The following TBC1D14 variants were observed in gnomAD, a reference collection of about 807,000 sequenced individuals.
TBC1D14 encodes the protein TBC1 domain family, member 14.
Under a neutral mutation model 79.0 loss-of-function variants are expected in TBC1D14, and 26 were observed. The ratio of observed to expected loss-of-function variants is 0.33; its 90% CI spans 0.24 to 0.46. TBC1D14 has a LOEUF of 0.46. TBC1D14 is among the 20% of genes least tolerant of loss of function. TBC1D14 has a pLI of 1.00. For synonymous variants in TBC1D14, 394 were observed against 349.9 expected (o/e 1.13, Z -1.40); for missense variants, 769 against 887.6 (o/e 0.87, Z 1.70).
At position 7,009,948 on chromosome 4, in the gene TBC1D14, T is replaced by C. The variant is rs1457732364; in HGVS notation, c.1518T>C (p.Tyr506=). The C allele has an allele frequency of 3.7e-6, 6 of 1,614,064 alleles. No individual in the cohort carries two copies. Among genetic ancestry groups the C allele is most frequent in the Admixed American group, 1.7e-5 (1 of 60,004 alleles). ...AYTCYRPDVG[Y]VQGMSFIAAV... is the part of the protein sequence containing the mutation. Reference sequence around the variant, plus strand: ...CTTGTTACCGGCCAGATGTGGGTTATGTAAGTGAAGTTTCTCAGTATTTTA... The same window carrying C: ...CTTGTTACCGGCCAGATGTGGGTTACGTAAGTGAAGTTTCTCAGTATTTTA... Residue 506 remains tyrosine (Y), a splice_region_variant and synonymous_variant, in exon 10 of 14, where the codon TAT becomes TAC. Transcript: ENST00000409757.
At chr4:7,028,598 T>C (rs1722710036) in intron 13 of TBC1D14, among the ~76,000 whole-genome samples, 1 of 152,148 alleles carries the variant, frequency 6.6e-6, no homozygotes, top group Non-Finnish European at 1.5e-5. Context: ...AGCTAATTTT[T>C]GTATTTTTAG....
intron 2 of TBC1D14, among the ~76,000 whole-genome samples, chr4:6,931,397 G>C (rs1452657422): frequency 6.6e-6 from 1 of 152,192 alleles, no homozygotes; most frequent in African/African-American, 2.4e-5. Context: ...GAGGTCACTG[G>C]TAACCTTGAC....
At chr4:7,025,929 G>A (rs1227126774) in intron 13 of TBC1D14, among the ~76,000 whole-genome samples, 1 of 152,220 alleles carries the variant, frequency 6.6e-6, no homozygotes, top group Non-Finnish European at 1.5e-5. Flanking sequence ...AAAAAAACCA[G>A]TTTGGGTTCT....
At chr4:6,946,545 A>G (rs1490046990) in intron 2 of TBC1D14, among the ~76,000 whole-genome samples, 1 of 151,792 alleles carries the variant, frequency 6.6e-6, no homozygotes, top group African/African-American at 2.4e-5. Flanking sequence ...CTGGTCTCGA[A>G]CTCCTAACCT....
chr4:7,030,476 C>A lies in TBC1D14; in HGVS notation c.*84C>A. 1 of 1,399,136 alleles carries A rather than the reference C, an allele frequency of 7.1e-7. No individual in the cohort carries two copies. Among genetic ancestry groups the A allele is most frequent in the Non-Finnish European group, 1.0e-6 (1 of 993,934 alleles). 86.7% of individuals were successfully genotyped at this position (1,399,136 alleles called of 1,614,324 possible). A position where few individuals can be genotyped will look rare whatever the true frequency, so the allele number is the denominator to read the frequency against. ...TTGTTTCAGACTGACACCCGGGCAG[C>A]CGAGAAGAACAGACGCTCTTTAAGT... On this transcript the variant is annotated 3_prime_UTR_variant, in exon 14 of 14. Coordinates refer to ENST00000409757, the MANE Select transcript of TBC1D14 (RefSeq NM_020773.3).
At chr4:6,912,268 T>C (rs1259384614) in intron 1 of TBC1D14, among the ~76,000 whole-genome samples, 1 of 151,746 alleles carries the variant, frequency 6.6e-6, no homozygotes, top group Non-Finnish European at 1.5e-5. Flanking sequence ...GCGTGCCAGC[T>C]ACTTGGGAGG....
intron 7 of TBC1D14, among the ~76,000 whole-genome samples, chr4:7,002,084 A>G (rs951991833): frequency 3.9e-5 from 6 of 152,072 alleles, no homozygotes; most frequent in Non-Finnish European, 8.8e-5. Context: ...TGTTGTTCTT[A>G]TCCTGACAGG....
chr4:7,027,557 A>G (rs1722535872), intron 13 of TBC1D14, among the ~76,000 whole-genome samples: 1 of 139,124 alleles, frequency 7.2e-6, no homozygotes, highest in Non-Finnish European at 1.5e-5. Flanking sequence ...ACCACACACC[A>G]CAATCACCCG....
chr4:7,019,053 C>T (rs1020975785), intron 12 of TBC1D14, among the ~76,000 whole-genome samples: 1 of 152,066 alleles, frequency 6.6e-6, no homozygotes, highest in Non-Finnish European at 1.5e-5. Flanking sequence ...GATGGAGTCT[C>T]GCACTTTCAC....
rs1217883970 is a variant in TBC1D14, at chr4:7,027,533, T to TCACATACACAATCAC, written c.2016+2276_2016+2290dup. ...CACACCCAGTCACCCCACACACACA[T>TCACATACACAATCAC]CACATACACAATCACCACACACCAC... On this transcript the variant is annotated intron_variant, in intron 13 of 13. Coordinates refer to ENST00000409757, the MANE Select transcript of TBC1D14 (RefSeq NM_020773.3). Among the ~76,000 whole-genome samples the TCACATACACAATCAC allele has an allele frequency of 1.0e-4, 12 of 119,560 alleles. No homozygotes were observed. In the Admixed American group the frequency reaches 1.1e-3, roughly 11 times the overall value. 78.4% of individuals were successfully genotyped at this position (119,560 alleles called of 152,430 possible).
At chr4:7,025,430 C>T (rs948000025) in intron 13 of TBC1D14, among the ~76,000 whole-genome samples, 168 bp downstream of exon 13, 5 of 152,164 alleles carry the variant, frequency 3.3e-5, no homozygotes, top group Admixed American at 1.3e-4. Flanking sequence ...CAGGGCGTCT[C>T]GGCGGGTCGC....
At chr4:6,931,893 T>A (rs1413257573) in intron 2 of TBC1D14, among the ~76,000 whole-genome samples, 1 of 151,788 alleles carries the variant, frequency 6.6e-6, no homozygotes, top group African/African-American at 2.4e-5. Context: ...TAGCAGAGGG[T>A]GCTGATGGTA....
intron 1 of TBC1D14, among the ~76,000 whole-genome samples, chr4:6,921,651 T>C (rs1484705688): frequency 6.7e-6 from 1 of 150,220 alleles, no homozygotes; most frequent in Non-Finnish European, 1.5e-5. Flanking sequence ...TCAGCCTCCA[T>C]GAGTAGCTGG....
chr4:6,939,981 A>G (rs1403534077), intron 2 of TBC1D14, among the ~76,000 whole-genome samples: 1 of 152,208 alleles, frequency 6.6e-6, no homozygotes, highest in African/African-American at 2.4e-5. Flanking sequence ...AGAAATGGGC[A>G]CCAGCGGCCT....
At chr4:6,939,708 C>T (rs1712716840) in intron 2 of TBC1D14, among the ~76,000 whole-genome samples, 1 of 124,444 alleles carries the variant, frequency 8.0e-6, no homozygotes, top group African/African-American at 3.1e-5. Context: ...CAGTGCCAGG[C>T]TGTGAGTCCT....
At chr4:6,931,509 G>A (rs1187711115) in intron 2 of TBC1D14, among the ~76,000 whole-genome samples, 1 of 152,186 alleles carries the variant, frequency 6.6e-6, no homozygotes, top group Non-Finnish European at 1.5e-5. Flanking sequence ...GTTGAAAGGA[G>A]CCATAGGACG....
intron 2 of TBC1D14, among the ~76,000 whole-genome samples, chr4:6,944,025 T>C (rs983877475): frequency 2.5e-4 from 16 of 63,306 alleles, no homozygotes; most frequent in African/African-American, 6.0e-4. Flanking sequence ...CGGCGCGTTC[T>C]GCCGGGGGTT....
At chr4:6,992,489 C>T (rs1365051355) in intron 3 of TBC1D14, among the ~76,000 whole-genome samples, 2 of 152,150 alleles carry the variant, frequency 1.3e-5, no homozygotes, top group East Asian at 1.9e-4. Context: ...AAAGTGAGTC[C>T]ACATGCACAG....
intron 1 of TBC1D14, among the ~76,000 whole-genome samples, chr4:6,913,539 G>A (rs1028660832): frequency 2.0e-5 from 3 of 152,282 alleles, no homozygotes; most frequent in South Asian, 2.1e-4. Flanking sequence ...TGTGACCTTG[G>A]GTGCGTGACT....
Sources: gnomAD v4.1 joint callset for allele counts (sites outside exome capture counted in the v4.1 genomes callset) on GRCh38, gnomAD v4.1.1 for gene constraint, MANE v1.5 for transcripts, NCBI Gene and HGNC (gene_info 2026-07-23, HGNC 2026-07-21) for gene names.